EPHA6: variants seen among roughly 807,000 people sequenced by gnomAD.
EPHA6 encodes the protein EPH receptor A6, also known as ephrin type-A receptor 6.
In EPHA6, 50 loss-of-function variants were observed where a neutral mutation model predicts 112.0. The ratio of observed to expected loss-of-function variants is 0.45; its 90% CI spans 0.36 to 0.56. The LOEUF is 0.56. Among genes scored for constraint, EPHA6 ranks in the 20% least tolerant of loss-of-function variants. The pLI, the probability that EPHA6 is intolerant of heterozygous loss-of-function variation, is 0.00. For synonymous variants in EPHA6, 529 were observed against 490.7 expected (o/e 1.08, Z -1.03); for missense variants, 1,280 against 1,417.4 (o/e 0.90, Z 1.56).
At chr3:97,369,385 G>T (rs2084920834) in intron 5 of EPHA6, among the ~76,000 whole-genome samples, 1 of 152,266 alleles carries the variant, frequency 6.6e-6, no homozygotes, top group African/African-American at 2.4e-5. Context: ...TGGACATATA[G>T]AAAAGTGGGT....
intron 10 of EPHA6, among the ~76,000 whole-genome samples, chr3:97,509,535 G>T (rs564743844): frequency 7.9e-5 from 12 of 152,126 alleles, no homozygotes; most frequent in Non-Finnish European, 1.6e-4. Context: ...CTGGCTTGTA[G>T]GGTTTCTGCA....
At chr3:97,363,360 G>C (rs1351665919) in intron 5 of EPHA6, among the ~76,000 whole-genome samples, 1 of 150,016 alleles carries the variant, frequency 6.7e-6, no homozygotes, top group African/African-American at 2.4e-5. Flanking sequence ...CAGGCTTATG[G>C]GGCAACCACT....
chr3:97,564,925 T>TA (rs1333107214), intron 11 of EPHA6, among the ~76,000 whole-genome samples: 2 of 152,056 alleles, frequency 1.3e-5, no homozygotes, highest in African/African-American at 4.8e-5. Context: ...AGAAAAAACT[T>TA]AAAAATATAC....
At chr3:97,256,577 A>G (rs897935050) in intron 5 of EPHA6, among the ~76,000 whole-genome samples, 3 of 152,190 alleles carry the variant, frequency 2.0e-5, no homozygotes, top group Admixed American at 6.5e-5. Flanking sequence ...TGGTATTTCT[A>G]TACTGTATTT....
At chr3:97,096,292 CAT>C (rs1052543257) in intron 3 of EPHA6, among the ~76,000 whole-genome samples, 1 of 151,016 alleles carries the variant, frequency 6.6e-6, no homozygotes, top group African/African-American at 2.4e-5. Context: ...CACACACACA[CAT>C]ATATATACAT....
At chr3:97,228,676 A>G (rs1240532226) in intron 4 of EPHA6, among the ~76,000 whole-genome samples, 6 of 152,146 alleles carry the variant, frequency 3.9e-5, no homozygotes, top group Non-Finnish European at 7.3e-5. Flanking sequence ...TTGTGCTCCT[A>G]TAAACATGCA....
chr3:97,508,888 T>C (rs2092310011), intron 10 of EPHA6, among the ~76,000 whole-genome samples: 1 of 151,934 alleles, frequency 6.6e-6, no homozygotes, highest in African/African-American at 2.4e-5. Flanking sequence ...TCTTATTGCA[T>C]TGATCCCTTT....
At chr3:97,169,298 G>A (rs2076627013) in intron 3 of EPHA6, among the ~76,000 whole-genome samples, 1 of 152,156 alleles carries the variant, frequency 6.6e-6, no homozygotes, top group Non-Finnish European at 1.5e-5. Flanking sequence ...CTAGATGTGT[G>A]AAGGGCATGG....
chr3:97,441,925 C>T (rs2090151571), intron 6 of EPHA6, among the ~76,000 whole-genome samples: 1 of 151,782 alleles, frequency 6.6e-6, no homozygotes, highest in Admixed American at 6.6e-5. Context: ...GAGACATTTT[C>T]TACATATATT....
In EPHA6 at chr3:97,252,126, A is replaced by T. The variant is rs2079158989; in HGVS notation, c.1606+7839A>T. ...CCCAAGTGTGTCTCAAGTAGGCCAG[A>T]ACAGAAAAATATCAGCCAGACTCAG... On this transcript the variant is annotated intron_variant, in intron 5 of 17. Coordinates refer to ENST00000389672, the MANE Select transcript of EPHA6 (RefSeq NM_001080448.3). Among the ~76,000 whole-genome samples, 4 of 152,266 alleles carry T rather than the reference A, an allele frequency of 2.6e-5. No homozygotes were observed. The South Asian group carries it at 8.3e-4, about 32-fold the overall frequency.
intron 5 of EPHA6, among the ~76,000 whole-genome samples, chr3:97,308,393 CCTTT>C (rs1169307815): frequency 6.6e-6 from 1 of 151,632 alleles, no homozygotes; most frequent in Non-Finnish European, 1.5e-5. Context: ...TGAAATTTTG[CCTTT>C]CTATCTCTGT....
At chr3:97,671,074 G>A (rs1022625054) in intron 14 of EPHA6, among the ~76,000 whole-genome samples, 10 of 152,104 alleles carry the variant, frequency 6.6e-5, no homozygotes, top group Non-Finnish European at 2.9e-5. Context: ...CTGACCACAC[G>A]TATTTTAGTG....
chr3:97,628,371 A>G (rs574953037), intron 13 of EPHA6, among the ~76,000 whole-genome samples: 1 of 152,140 alleles, frequency 6.6e-6, no homozygotes, highest in Admixed American at 6.6e-5. Context: ...AGGTTATTGC[A>G]CTACAGTATT....
intron 14 of EPHA6, among the ~76,000 whole-genome samples, chr3:97,656,811 A>G (rs950628328): frequency 2.0e-5 from 3 of 151,938 alleles, no homozygotes; most frequent in African/African-American, 2.4e-5. Context: ...ATCCATCAAT[A>G]TTTTCATATA....
chr3:97,202,923 T>C (rs944525308), intron 3 of EPHA6, among the ~76,000 whole-genome samples: 1 of 152,042 alleles, frequency 6.6e-6, no homozygotes, highest in Non-Finnish European at 1.5e-5. Flanking sequence ...GGCTAGAGGA[T>C]CAGTCTGAAA....
chr3:96,931,552 AG>A (rs2040327065), intron 2 of EPHA6, among the ~76,000 whole-genome samples: 1 of 152,194 alleles, frequency 6.6e-6, no homozygotes, highest in Non-Finnish European at 1.5e-5. Flanking sequence ...TTAAAGAAGC[AG>A]TCTGGCCATG....
intron 14 of EPHA6, among the ~76,000 whole-genome samples, chr3:97,709,506 G>A (rs1426992303): frequency 6.6e-6 from 1 of 152,218 alleles, no homozygotes; most frequent in Non-Finnish European, 1.5e-5. Context: ...GAAGGGACTT[G>A]CTGTCCCAGA....
intron 3 of EPHA6, among the ~76,000 whole-genome samples, chr3:97,059,023 G>C (rs540938147): frequency 1.1e-4 from 17 of 152,012 alleles, no homozygotes; most frequent in African/African-American, 4.1e-4. Flanking sequence ...CCTGAACAGC[G>C]GAGTCTTTAG....
intron 14 of EPHA6, among the ~76,000 whole-genome samples, chr3:97,713,494 T>A (rs1411996883): frequency 6.6e-6 from 1 of 152,246 alleles, no homozygotes; most frequent in African/African-American, 2.4e-5. Context: ...GCAGTGCTTA[T>A]CAGCTTATAA....
Sources: allele counts gnomAD v4.1 joint callset (sites outside exome capture counted in the v4.1 genomes callset), GRCh38; gene constraint gnomAD v4.1.1; transcripts MANE v1.5; gene names NCBI Gene and HGNC (gene_info 2026-07-23, HGNC 2026-07-21).